Variants in PPP3R1 observed in about 807,000 individuals in gnomAD.
The protein encoded by PPP3R1 is protein phosphatase 3 regulatory subunit B, alpha.
A neutral mutation model predicts 22.6 loss-of-function variants in PPP3R1; 5 were observed. The ratio of observed to expected loss-of-function variants is 0.22; its 90% CI spans 0.12 to 0.46. The LOEUF (loss-of-function observed/expected upper bound fraction) is 0.46. Among genes scored for constraint, PPP3R1 ranks in the 20% least tolerant of loss-of-function variants. The pLI, the probability that PPP3R1 is intolerant of heterozygous loss-of-function variation, is 0.99. For missense variants in PPP3R1, 61 were observed against 203.2 expected (o/e 0.30, Z 4.25); for synonymous variants, 56 against 65.2 (o/e 0.86, Z 0.68).
intron 1 of PPP3R1, among the ~76,000 whole-genome samples, chr2:68,231,820 A>AC (rs1313898024): frequency 6.6e-6 from 1 of 152,030 alleles, no homozygotes; most frequent in Non-Finnish European, 1.5e-5. Context: ...TTGCTTTTGC[A>AC]CCATCAGTAT....
intron 2 of PPP3R1, among the ~76,000 whole-genome samples, chr2:68,189,647 T>A (rs1466953140): frequency 6.6e-6 from 1 of 152,182 alleles, no homozygotes; most frequent in African/African-American, 2.4e-5. Context: ...GTGGGCAGAT[T>A]ACTAGAGGTC....
chr2:68,206,648 T>G (rs1178953355), intron 2 of PPP3R1, among the ~76,000 whole-genome samples: 2 of 152,320 alleles, frequency 1.3e-5, no homozygotes, highest in East Asian at 1.9e-4. Context: ...TTTCTTAATT[T>G]CCTTAACCAA....
At position 68,179,925 on chromosome 2, in the gene PPP3R1, A is replaced by C. The variant is rs1674366494; in HGVS notation, c.*1038T>G. 6.6e-6 allele frequency: 1 copy of C among 152,208 alleles called. No individual in the cohort carries two copies. Among genetic ancestry groups the C allele is most frequent in the Admixed American group, 6.5e-5 (1 of 15,272 alleles). 9.4% of individuals were successfully genotyped at this position (152,208 alleles called of 1,614,324 possible). ...TTAAATATCACCAGTTTTTTAGATTAGCTGCAAGTCTTTTGAAACAAGGGA... is the reference window on the plus strand; with the variant it reads ...TTAAATATCACCAGTTTTTTAGATTCGCTGCAAGTCTTTTGAAACAAGGGA... On this transcript the variant is annotated 3_prime_UTR_variant, in exon 6 of 6. Coordinates refer to ENST00000234310, the MANE Select transcript of PPP3R1 (RefSeq NM_000945.4).
At chr2:68,218,054 A>G (rs1350183285) in intron 1 of PPP3R1, among the ~76,000 whole-genome samples, 1 of 152,178 alleles carries the variant, frequency 6.6e-6, no homozygotes, top group Non-Finnish European at 1.5e-5. Context: ...AAACGTCTAC[A>G]GAATTTAAAG....
chr2:68,233,997 A>T (rs773860028), intron 1 of PPP3R1, among the ~76,000 whole-genome samples: 2 of 152,194 alleles, frequency 1.3e-5, no homozygotes, highest in Admixed American at 1.3e-4. Context: ...GAGACTTTAC[A>T]TACATTATCT....
intron 2 of PPP3R1, among the ~76,000 whole-genome samples, chr2:68,204,903 C>T (rs1166380328): frequency 6.6e-6 from 1 of 152,200 alleles, no homozygotes; most frequent in African/African-American, 2.4e-5. Flanking sequence ...CTGTCAAAGT[C>T]CCAATTCTTT....
At chr2:68,231,323 GTCTT>G (rs74263922) in intron 1 of PPP3R1, among the ~76,000 whole-genome samples, 61,041 of 151,292 alleles carry the variant, frequency 0.4, 12,688 homozygotes, top group South Asian at 0.62. Context: ...TTACTATTTG[GTCTT>G]TCTTTATGTC....
chr2:68,209,387 A>G (rs1374794207), intron 2 of PPP3R1, among the ~76,000 whole-genome samples: 1 of 138,080 alleles, frequency 7.2e-6, no homozygotes, highest in African/African-American at 2.7e-5. Context: ...AAAAAAAAAA[A>G]AAAACTGTGG....
chr2:68,188,166 T>C (rs956462128), intron 3 of PPP3R1, among the ~76,000 whole-genome samples: 5 of 152,062 alleles, frequency 3.3e-5, no homozygotes, highest in Non-Finnish European at 7.3e-5. Flanking sequence ...CGAGACTCCA[T>C]CTCAAAAAAA....
intron 3 of PPP3R1, among the ~76,000 whole-genome samples, chr2:68,187,580 ATTAT>A (rs1353820371): frequency 1.3e-5 from 2 of 152,170 alleles, no homozygotes; most frequent in Admixed American, 6.5e-5. Context: ...CTCAAAACAT[ATTAT>A]TTAAGTTGTT....
At chr2:68,211,503 T>C (rs1669486784) in intron 2 of PPP3R1, among the ~76,000 whole-genome samples, 1 of 152,098 alleles carries the variant, frequency 6.6e-6, no homozygotes, top group African/African-American at 2.4e-5. Flanking sequence ...AGGTCTCACT[T>C]CAATGTTGAT....
In PPP3R1 at chr2:68,198,613, G is replaced by A. The variant is rs917088394; in HGVS notation, c.44-9923C>T. 3.3e-5 allele frequency among the ~76,000 whole-genome samples: 5 copies of A among 151,836 alleles called. No homozygotes were observed. In the South Asian group the frequency reaches 1.0e-3, roughly 32 times the overall value. On this transcript the variant is annotated intron_variant, in intron 2 of 5. Transcript: ENST00000234310. Reference sequence around the variant, plus strand: ...ATGTTTTATGGTAAATCTTTAAATCGAGGAGCTGTACTTTTACTTTGTTCT... The same window carrying A: ...ATGTTTTATGGTAAATCTTTAAATCAAGGAGCTGTACTTTTACTTTGTTCT...
intron 1 of PPP3R1, among the ~76,000 whole-genome samples, chr2:68,234,125 C>T (rs1025657478): frequency 7.2e-5 from 11 of 152,204 alleles, no homozygotes; most frequent in East Asian, 3.9e-4. Context: ...CAGCAGATCA[C>T]GAGGTCAGGA....
At chr2:68,246,981 AG>A (rs1393986826) in intron 1 of PPP3R1, among the ~76,000 whole-genome samples, 1 of 151,028 alleles carries the variant, frequency 6.6e-6, no homozygotes, top group African/African-American at 2.4e-5. Flanking sequence ...CCCCCAAAAC[AG>A]TCTTGCTCTG....
chr2:68,203,843 A>G (rs1675047052), intron 2 of PPP3R1, among the ~76,000 whole-genome samples: 1 of 152,204 alleles, frequency 6.6e-6, no homozygotes, highest in Admixed American at 6.5e-5. Context: ...TAACGGCTAG[A>G]AGGGTTTCTA....
intron 1 of PPP3R1, among the ~76,000 whole-genome samples, chr2:68,236,582 G>A (rs1456753929): frequency 1.3e-5 from 2 of 152,026 alleles, no homozygotes; most frequent in Non-Finnish European, 2.9e-5. Context: ...CAACATGAGG[G>A]GATAGCTATG....
intron 5 of PPP3R1, among the ~76,000 whole-genome samples, chr2:68,183,715 G>A (rs926990882): frequency 6.6e-6 from 1 of 152,006 alleles, no homozygotes; most frequent in Non-Finnish European, 1.5e-5. Context: ...ATTTTTACTG[G>A]TCTTGTCTAA....
chr2:68,203,761 C>T (rs570602638), intron 2 of PPP3R1, among the ~76,000 whole-genome samples: 3 of 152,266 alleles, frequency 2.0e-5, no homozygotes, highest in African/African-American at 4.8e-5. Flanking sequence ...TTTCACATCA[C>T]CTGTAAATAC....
rs1553408864 is a variant in PPP3R1 at position 68,232,124 on chromosome 2, T to TACACACACATACAC, written c.4-14994_4-14993insGTGTATGTGTGTGT. ...AAAAAAAAAAATATATATATATATA[T>TACACACACATACAC]ACACACACACACACATATATATGTA... On this transcript the variant is annotated intron_variant, in intron 1 of 5. Coordinates refer to ENST00000234310, the MANE Select transcript of PPP3R1 (RefSeq NM_000945.4). 3.1e-5 allele frequency among the ~76,000 whole-genome samples: 3 copies of TACACACACATACAC among 97,990 alleles called. No homozygotes were observed. In the Admixed American group the frequency reaches 3.6e-4, roughly 12 times the overall value. The allele number at this position is 97,990 out of a possible 152,430, so 64.3% of individuals were successfully genotyped here. A position where few individuals can be genotyped will look rare whatever the true frequency, so the allele number is the denominator to read the frequency against.
Sources: allele counts gnomAD v4.1 joint callset (sites outside exome capture counted in the v4.1 genomes callset), GRCh38; gene constraint gnomAD v4.1.1; transcripts MANE v1.5; gene names NCBI Gene and HGNC (gene_info 2026-07-23, HGNC 2026-07-21).